ANAPC7: variants seen among roughly 807,000 people sequenced by gnomAD.
The protein encoded by ANAPC7 is anaphase promoting complex subunit 7.
Under a neutral mutation model 63.3 loss-of-function variants are expected in ANAPC7, and 25 were observed. That is an observed-to-expected ratio of 0.39 (90% CI 0.29 to 0.55). ANAPC7 has a LOEUF of 0.55. ANAPC7 is among the 20% of genes least tolerant of loss of function. The probability of loss-of-function intolerance (pLI) is 0.57; values close to 1 mark genes in which losing one functional copy is unlikely to be tolerated. For missense variants in ANAPC7, 516 were observed against 691.7 expected, an observed-to-expected ratio of 0.75 and a Z score of 2.85; for synonymous variants, 241 against 251.7, an observed-to-expected ratio of 0.96 and a Z score of 0.40.
In ANAPC7 at chr12:110,381,954, G is replaced by GAAAAAAAAAAAAAAAAAAAAAAAAAA; in HGVS notation, c.936-7_936-6insTTTTTTTTTTTTTTTTTTTTTTTTTT. The GAAAAAAAAAAAAAAAAAAAAAAAAAA allele has an allele frequency of 1.0e-6, 1 of 975,626 alleles. No homozygotes were observed. 60.4% of individuals were successfully genotyped at this position (975,626 alleles called of 1,614,324 possible). ...TGCTATAGAAGCTGTGACAGCTGGA[G>GAAAAAAAAAAAAAAAAAAAAAAAAAA]AAAAAAAAAAAAAAAAAAACACAAA... is the stretch of plus-strand genomic sequence containing the variant. On this transcript the variant is annotated splice_polypyrimidine_tract_variant and splice_region_variant and intron_variant, in intron 7 of 10. Coordinates refer to ENST00000455511, the MANE Select transcript of ANAPC7 (RefSeq NM_016238.3).
chr12:110,375,779 T>C (rs1351046807), intron 10 of ANAPC7: 2 of 1,075,800 alleles, frequency 1.9e-6, no homozygotes, highest in African/African-American at 3.3e-5. Context: ...CCTATAAAAA[T>C]ATGTGTGTGT....
intron 9 of ANAPC7, 37 bp downstream of exon 9, chr12:110,377,356 T>G: frequency 6.3e-7 from 1 of 1,577,850 alleles, no homozygotes; most frequent in Non-Finnish European, 8.7e-7. Flanking sequence ...TTTATAAAAA[T>G]TAATGATGAA....
At chr12:110,385,170 G>A (rs1592907326) in intron 6 of ANAPC7, among the ~76,000 whole-genome samples, 1 of 152,142 alleles carries the variant, frequency 6.6e-6, no homozygotes, top group East Asian at 1.9e-4. Flanking sequence ...GGGAGGCTGA[G>A]GTGGGAGAGT....
intron 10 of ANAPC7, among the ~76,000 whole-genome samples, chr12:110,375,139 G>A (rs1035393234): frequency 1.3e-5 from 2 of 152,142 alleles, no homozygotes; most frequent in Non-Finnish European, 2.9e-5. Flanking sequence ...TATAAATGCG[G>A]ACCGATCTGT....
At chr12:110,389,564 G>A (rs1389315494) in intron 3 of ANAPC7, among the ~76,000 whole-genome samples, 1 of 152,156 alleles carries the variant, frequency 6.6e-6, no homozygotes, top group African/African-American at 2.4e-5. Context: ...GCATTTTAGC[G>A]TAATTTAAAT....
intron 7 of ANAPC7, 133 bp downstream of exon 7, chr12:110,382,710 C>T: frequency 2.9e-6 from 2 of 691,012 alleles, no homozygotes; most frequent in Non-Finnish European, 2.4e-6. Context: ...GTTGAGATTA[C>T]AGGCATGAGC....
intron 3 of ANAPC7, 148 bp from the exon 4 acceptor site, chr12:110,388,771 C>A (rs1882834691): frequency 6.3e-6 from 4 of 633,430 alleles, no homozygotes; most frequent in South Asian, 6.0e-5. Flanking sequence ...GGCAGACTGA[C>A]CCCATTCTTC....
chr12:110,387,269 G>GAGAGAC (rs1882580459), intron 5 of ANAPC7: 2 of 124,780 alleles, frequency 1.6e-5, no homozygotes, highest in African/African-American at 3.1e-5. Context: ...GAGAGAGAGA[G>GAGAGAC]AGAGAGAGAG....
At chr12:110,402,241 A>C (rs1309902012) in intron 1 of ANAPC7, among the ~76,000 whole-genome samples, 4 of 152,226 alleles carry the variant, frequency 2.6e-5, no homozygotes, top group Admixed American at 2.6e-4. Flanking sequence ...GAGAGCAGTG[A>C]ACAGAGTAAT....
At chr12:110,376,711 A>G (rs550597232) in intron 9 of ANAPC7, among the ~76,000 whole-genome samples, 10 of 151,704 alleles carry the variant, frequency 6.6e-5, no homozygotes, top group Admixed American at 5.2e-4. Flanking sequence ...AGGACTGAAA[A>G]AAAAAAAAAA....
In ANAPC7 at chr12:110,395,214, G is replaced by A. The variant is rs1376672790; in HGVS notation, c.295C>T (p.Pro99Ser). 6.2e-7 allele frequency: 1 copy of A among 1,609,848 alleles called. No individual in the cohort carries two copies. Among genetic ancestry groups the A allele is most frequent in the Admixed American group, 1.7e-5 (1 of 59,034 alleles). The part of the protein sequence containing the change: ...SASTPQSQCL[P>S]SEIEVKYKMA... ...TTGTATTTCACTTCAATTTCAGATGGAAGACACTAAAAGACAATGGAAATA... is the reference window on the plus strand; with the variant it reads ...TTGTATTTCACTTCAATTTCAGATGAAAGACACTAAAAGACAATGGAAATA... Residue 99 changes from proline to serine, a missense_variant, in exon 3 of 11, where the codon CCA becomes TCA. Transcript: ENST00000455511.
At chr12:110,401,740 C>G (rs1187921612) in intron 1 of ANAPC7, among the ~76,000 whole-genome samples, 22 of 151,786 alleles carry the variant, frequency 1.4e-4, no homozygotes, top group Admixed American at 1.4e-3. Context: ...AATCCCAGCA[C>G]TTTGGGAGGC....
chr12:110,377,002 T>G (rs1407073703), intron 9 of ANAPC7, among the ~76,000 whole-genome samples: 1 of 151,672 alleles, frequency 6.6e-6, no homozygotes, highest in African/African-American at 2.4e-5. Context: ...CTGGGCATGG[T>G]GGTGCACGCC....
At chr12:110,397,544 C>T (rs1169006438) in intron 1 of ANAPC7, among the ~76,000 whole-genome samples, 10 of 137,390 alleles carry the variant, frequency 7.3e-5, no homozygotes, top group African/African-American at 2.8e-4. Flanking sequence ...GGCGACAGAG[C>T]GAGATCTCGT....
At chr12:110,403,184 T>C (rs774685307) in intron 1 of ANAPC7, among the ~76,000 whole-genome samples, 8 of 152,140 alleles carry the variant, frequency 5.3e-5, no homozygotes, top group East Asian at 1.9e-4. Context: ...AACGTTCTTC[T>C]GGAAGGAGCC....
Position 110,393,590 on chromosome 12 carries a change from G to A in ANAPC7, c.408+1511C>T, listed in dbSNP as rs111438435. Among the ~76,000 whole-genome samples the A allele has an allele frequency of 3.5e-3, 536 of 152,146 alleles. 1 individual carries two copies. Among genetic ancestry groups the A allele is most frequent in the African/African-American group, 0.012 (503 of 41,490 alleles). Reference sequence around the variant, plus strand: ...AAAAAAAAGAAAAAAAAAATTGGCCGGGCATGGTGGCTCCCACCTGTAACC... The same window carrying A: ...AAAAAAAAGAAAAAAAAAATTGGCCAGGCATGGTGGCTCCCACCTGTAACC... On this transcript the variant is annotated intron_variant, in intron 3 of 10. Transcript: ENST00000455511.
At chr12:110,389,331 T>C (rs34681975) in intron 3 of ANAPC7, among the ~76,000 whole-genome samples, 1,539 of 152,240 alleles carry the variant, frequency 0.01, 13 homozygotes, top group Middle Eastern at 0.017. Context: ...GAGAAACTCT[T>C]GACATAGCTA....
intron 5 of ANAPC7, 182 bp downstream of exon 5, chr12:110,387,557 C>T (rs1882726986): frequency 3.2e-6 from 2 of 625,978 alleles, no homozygotes; most frequent in African/African-American, 1.9e-5. Flanking sequence ...TACAGGTCTC[C>T]AACAGAGATG....
chr12:110,381,687 C>T, intron 8 of ANAPC7, 65 bp downstream of exon 8: 1 of 1,519,510 alleles, frequency 6.6e-7, no homozygotes. Flanking sequence ...CTAATGAAAC[C>T]TTCCATCTGA....
Sources: allele counts gnomAD v4.1 joint callset (sites outside exome capture counted in the v4.1 genomes callset), GRCh38; gene constraint gnomAD v4.1.1; transcripts MANE v1.5; gene names NCBI Gene and HGNC (gene_info 2026-07-23, HGNC 2026-07-21).